ASPRV1: variants seen among roughly 807,000 people sequenced by gnomAD.
The protein encoded by ASPRV1 is aspartic peptidase retroviral like 1, also known as retroviral-like aspartic protease 1.
ASPRV1 carries 7 observed loss-of-function variants against 11.0 expected under a neutral mutation model. The ratio of observed to expected loss-of-function variants is 0.64; its 90% confidence interval spans 0.36 to 1.20. The LOEUF is 1.20. Ranked by LOEUF, ASPRV1 falls within the 50% of genes most tolerant of loss-of-function variation. The pLI is 0.02. For synonymous variants in ASPRV1, 136 were observed against 138.4 expected (o/e 0.98, Z 0.12); for missense variants, 299 against 320.0 (o/e 0.93, Z 0.50).
the ASPRV1 span, among the ~76,000 whole-genome samples, chr2:70,074,133 CAAAAAAAAAAA>C: frequency 1.3e-3 from 10 of 7,820 alleles, 1 homozygote; most frequent in South Asian, 0.013. Context: ...AACTTCATCT[CAAAAAAAAAAA>C]AAAAAAAAAA....
At chr2:69,951,530 C>T in the ASPRV1 span, among the ~76,000 whole-genome samples, 2 of 145,670 alleles carry the variant, frequency 1.4e-5, no homozygotes, top group Non-Finnish European at 3.0e-5. Flanking sequence ...CACACACACT[C>T]ATATCATATA....
the ASPRV1 span, chr2:69,942,296 T>C: frequency 2.0e-5 from 3 of 152,210 alleles, no homozygotes; most frequent in South Asian, 6.2e-4. Context: ...CTATAGACTG[T>C]AGGATGCTTT....
chr2:70,017,557 A>T, the ASPRV1 span, among the ~76,000 whole-genome samples: 4 of 152,234 alleles, frequency 2.6e-5, no homozygotes, highest in African/African-American at 9.6e-5. Flanking sequence ...CAAGAGAAAG[A>T]AATAAAATTT....
At chr2:70,038,099 ATCC>A in the ASPRV1 span, among the ~76,000 whole-genome samples, 2 of 152,222 alleles carry the variant, frequency 1.3e-5, no homozygotes, top group East Asian at 1.9e-4. Flanking sequence ...TACCTAGAAT[ATCC>A]TCCTATTTTT....
the ASPRV1 span, among the ~76,000 whole-genome samples, chr2:69,974,239 A>G: frequency 1.3e-5 from 2 of 151,996 alleles, no homozygotes; most frequent in Non-Finnish European, 2.9e-5. Context: ...CAGGAGGCTG[A>G]GGCAGGAGAA....
At chr2:69,992,221 C>A in the ASPRV1 span, among the ~76,000 whole-genome samples, 3 of 152,070 alleles carry the variant, frequency 2.0e-5, no homozygotes, top group African/African-American at 7.2e-5. Context: ...GAATTGTGCA[C>A]TTTTTTGTTC....
At chr2:70,044,618 C>A in the ASPRV1 span, among the ~76,000 whole-genome samples, 1 of 152,202 alleles carries the variant, frequency 6.6e-6, no homozygotes, top group Admixed American at 6.5e-5. Context: ...AGCCACCACG[C>A]CCAGCTAATT....
the ASPRV1 span, among the ~76,000 whole-genome samples, chr2:70,008,950 T>C: frequency 6.6e-6 from 1 of 152,226 alleles, no homozygotes; most frequent in Non-Finnish European, 1.5e-5. Context: ...GGAGTTGCCC[T>C]AAATGCTTAA....
chr2:70,038,420 A>AAAAAAAATAGTAGCCAGGTGTGGTGGT, the ASPRV1 span, among the ~76,000 whole-genome samples: 2 of 151,900 alleles, frequency 1.3e-5, no homozygotes, highest in African/African-American at 2.4e-5. Context: ...ACTAAAAGAC[A>AAAAAAAATAGTAGCCAGGTGTGGTGGT]AAAAAAATAG....
At chr2:70,024,618 C>T in the ASPRV1 span, among the ~76,000 whole-genome samples, 1 of 152,158 alleles carries the variant, frequency 6.6e-6, no homozygotes. Context: ...TCCTTCCCTC[C>T]TCTCCTCACT....
Position 69,960,504 on chromosome 2 carries a change from T to G in ASPRV1, c.*153A>C. 1 of 790,948 alleles carries G rather than the reference T, an allele frequency of 1.3e-6. No homozygotes were observed. Among genetic ancestry groups the G allele is most frequent in the Non-Finnish European group, 2.0e-6 (1 of 509,224 alleles). 49.0% of individuals were successfully genotyped at this position (790,948 alleles called of 1,614,324 possible). On this transcript the variant is annotated 3_prime_UTR_variant, in exon 1 of 1. Coordinates refer to ENST00000320256, the MANE Select transcript of ASPRV1 (RefSeq NM_152792.4). The stretch of plus-strand genomic sequence containing the variant: ...GAAGCCTCCCCTACCAGGGGCAGAT[T>G]AAGGCCCCTGCAGAGGGAGGCAAAG...
the ASPRV1 span, among the ~76,000 whole-genome samples, chr2:70,074,133 C>CA: frequency 0.17 from 1,353 of 7,780 alleles, 330 homozygotes; most frequent in Middle Eastern, 0.33. Flanking sequence ...AACTTCATCT[C>CA]AAAAAAAAAA....
chr2:69,968,932 T>TGAA, the ASPRV1 span, among the ~76,000 whole-genome samples: 1 of 152,226 alleles, frequency 6.6e-6, no homozygotes. Flanking sequence ...TGTACACTCT[T>TGAA]TTCCTGAATC....
the ASPRV1 span, chr2:69,937,051 A>T: frequency 1.5e-5 from 12 of 785,118 alleles, no homozygotes; most frequent in South Asian, 1.7e-4. Flanking sequence ...GATGCTGAAG[A>T]GTCAGACGAA....
chr2:69,970,835 G>C, the ASPRV1 span: 1 of 152,226 alleles, frequency 6.6e-6, no homozygotes, highest in Non-Finnish European at 1.5e-5. Flanking sequence ...TATCAGGCCT[G>C]GCAGTGCTCT....
chr2:70,018,348 C>T, the ASPRV1 span, among the ~76,000 whole-genome samples: 2 of 151,864 alleles, frequency 1.3e-5, no homozygotes, highest in African/African-American at 2.4e-5. Context: ...GCTCATACTA[C>T]CCAAAATGAC....
At chr2:69,951,244 T>C in the ASPRV1 span, among the ~76,000 whole-genome samples, 1 of 151,636 alleles carries the variant, frequency 6.6e-6, no homozygotes, top group African/African-American at 2.4e-5. Flanking sequence ...GCCAACTTGG[T>C]GAAACCCCGT....
At chr2:69,976,281 G>A in the ASPRV1 span, 1 of 152,664 alleles carries the variant, frequency 6.6e-6, no homozygotes, top group African/African-American at 2.4e-5. Context: ...GTTCTCCTTG[G>A]AAGCCAGGCC....
the ASPRV1 span, among the ~76,000 whole-genome samples, chr2:70,052,135 A>G: frequency 8.5e-5 from 13 of 152,196 alleles, no homozygotes; most frequent in Admixed American, 2.6e-4. Flanking sequence ...AGAAAAGTAT[A>G]TATCAGATGA....
Sources: gnomAD v4.1 joint callset for allele counts (sites outside exome capture counted in the v4.1 genomes callset) on GRCh38, gnomAD v4.1.1 for gene constraint, MANE v1.5 for transcripts, NCBI Gene and HGNC (gene_info 2026-07-23, HGNC 2026-07-21) for gene names.